Variants in FAM81A observed in about 807,000 individuals in gnomAD.
The protein encoded by FAM81A is family with sequence similarity 81 member A, also known as protein FAM81A.
FAM81A carries 19 observed loss-of-function variants against 46.7 expected under a neutral mutation model. The ratio of observed to expected loss-of-function variants is 0.41; its 90% confidence interval spans 0.28 to 0.60. The LOEUF (loss-of-function observed/expected upper bound fraction) is 0.60. Ranked by LOEUF, FAM81A falls within the 20% of genes least tolerant of loss-of-function variation. The probability of loss-of-function intolerance (pLI) is 0.34; values close to 1 mark genes in which losing one functional copy is unlikely to be tolerated. For synonymous variants in FAM81A, 183 were observed against 152.9 expected (o/e 1.20, Z -1.45); for missense variants, 377 against 453.5 (o/e 0.83, Z 1.53).
rs2081538647 is a variant in FAM81A at position 59,460,473 on chromosome 15, G to A, written c.294+267G>A. 1.9e-6 allele frequency: 1 copy of A among 519,920 alleles called. No homozygotes were observed. Among genetic ancestry groups the A allele is most frequent in the South Asian group, 2.0e-5 (1 of 50,182 alleles). 32.2% of individuals were successfully genotyped at this position (519,920 alleles called of 1,614,324 possible). A position where few individuals can be genotyped will look rare whatever the true frequency, so the allele number is the denominator to read the frequency against. ...ATTATTAAATGATTTTATTTTGTTT[G>A]GCTCTTAATGAAGAGAGAGAAGAAC... On this transcript the variant is annotated intron_variant, in intron 3 of 8. Coordinates refer to ENST00000288228, the MANE Select transcript of FAM81A (RefSeq NM_152450.3). This position sits in a 1 kb window ranked among gnomAD's most constrained non-coding sequence, Gnocchi z 4.4.
chr15:59,489,889 A>C (rs1459129718), intron 3 of FAM81A, among the ~76,000 whole-genome samples: 1 of 152,234 alleles, frequency 6.6e-6, no homozygotes, highest in East Asian at 1.9e-4. Context: ...ATTTCATACC[A>C]TGTACAGAAA....
At chr15:59,417,477 G>T (rs1190629918) in intron 2 of FAM81A, among the ~76,000 whole-genome samples, 1 of 151,914 alleles carries the variant, frequency 6.6e-6, no homozygotes, top group Non-Finnish European at 1.5e-5. Flanking sequence ...AGGCCGTGGT[G>T]GACAGGTCAC....
chr15:59,513,279 C>T (rs541479590), intron 6 of FAM81A, among the ~76,000 whole-genome samples: 5 of 151,920 alleles, frequency 3.3e-5, no homozygotes, highest in African/African-American at 4.8e-5. Context: ...ATTTGGGGAA[C>T]GTTAGAGAGA....
intron 3 of FAM81A, among the ~76,000 whole-genome samples, chr15:59,489,298 CAT>C (rs1555432336): frequency 6.6e-6 from 1 of 150,468 alleles, no homozygotes; most frequent in Non-Finnish European, 1.5e-5. Flanking sequence ...TACATACATA[CAT>C]ACATACATAC....
chr15:59,506,194 G>A (rs2141814390), intron 4 of FAM81A, among the ~76,000 whole-genome samples: 1 of 151,980 alleles, frequency 6.6e-6, no homozygotes, highest in South Asian at 2.1e-4. Flanking sequence ...TTATCTTTTT[G>A]TAGACACAGG....
At chr15:59,442,369 T>C (rs2141588145) in intron 1 of FAM81A, among the ~76,000 whole-genome samples, 1 of 152,110 alleles carries the variant, frequency 6.6e-6, no homozygotes, top group Middle Eastern at 3.4e-3. Flanking sequence ...TCCCAGCACT[T>C]TGGGAGGCCA....
intron 4 of FAM81A, among the ~76,000 whole-genome samples, chr15:59,501,311 G>A (rs1359233604): frequency 6.6e-6 from 1 of 151,990 alleles, no homozygotes; most frequent in Non-Finnish European, 1.5e-5. Context: ...ATTTTATTAG[G>A]TTATCTTCCT....
At chr15:59,510,008 G>A (rs981875422) in intron 6 of FAM81A, among the ~76,000 whole-genome samples, 9 of 152,138 alleles carry the variant, frequency 5.9e-5, no homozygotes, top group Non-Finnish European at 8.8e-5. Context: ...AGGAGAAGCA[G>A]TATCAAAAGA....
At chr15:59,503,068 C>T (rs2082111909) in intron 4 of FAM81A, among the ~76,000 whole-genome samples, 1 of 151,792 alleles carries the variant, frequency 6.6e-6, no homozygotes, top group African/African-American at 2.4e-5. Flanking sequence ...ATGGTGAAAA[C>T]CAGTGTCTAC....
At chr15:59,487,955 C>A (rs2081938473) in intron 3 of FAM81A, among the ~76,000 whole-genome samples, 1 of 148,912 alleles carries the variant, frequency 6.7e-6, no homozygotes, top group Admixed American at 6.7e-5. Flanking sequence ...AAAACAAAAA[C>A]AACAACAAAA....
intron 3 of FAM81A, among the ~76,000 whole-genome samples, chr15:59,462,202 C>CA (rs58692315): frequency 0.13 from 8,592 of 67,024 alleles, 495 homozygotes; most frequent in African/African-American, 0.23. Context: ...GACTGCATCT[C>CA]AAAAAAAAAA....
At chr15:59,472,559 CTTT>C (rs11289675) in intron 3 of FAM81A, among the ~76,000 whole-genome samples, 1 of 144,978 alleles carries the variant, frequency 6.9e-6, no homozygotes, top group African/African-American at 2.6e-5. Context: ...TTCCCCATTC[CTTT>C]TTTTTTTTTT....
intron 4 of FAM81A, among the ~76,000 whole-genome samples, chr15:59,505,010 T>C (rs1301325995): frequency 6.6e-6 from 1 of 152,238 alleles, no homozygotes; most frequent in Non-Finnish European, 1.5e-5. Context: ...ATTGTTGGCA[T>C]TCACACCTCA....
intron 4 of FAM81A, among the ~76,000 whole-genome samples, chr15:59,494,854 A>G (rs958064116): frequency 2.6e-5 from 4 of 152,182 alleles, no homozygotes; most frequent in Non-Finnish European, 5.9e-5. Flanking sequence ...TGTAATTAGT[A>G]GCAAATGGGC....
chr15:59,441,494 G>A (rs552820125), intron 1 of FAM81A, among the ~76,000 whole-genome samples: 3 of 152,344 alleles, frequency 2.0e-5, no homozygotes, highest in South Asian at 2.1e-4. Context: ...AATGGCTATC[G>A]TATGGGGTAG....
intron 4 of FAM81A, among the ~76,000 whole-genome samples, chr15:59,496,249 C>T (rs1244269602): frequency 2.0e-5 from 3 of 151,972 alleles, no homozygotes; most frequent in Non-Finnish European, 4.4e-5. Flanking sequence ...TCTATTTATC[C>T]CAGCATAATT....
intron 2 of FAM81A, among the ~76,000 whole-genome samples, chr15:59,424,913 A>T (rs1212864841): frequency 6.6e-6 from 1 of 152,192 alleles, no homozygotes; most frequent in African/African-American, 2.4e-5. Flanking sequence ...ACCAGAGTAA[A>T]TCAGATCAGT....
rs536775036 is a variant in FAM81A at position 59,508,451 on chromosome 15, C to G, written c.544-412C>G. Among the ~76,000 whole-genome samples the G allele has an allele frequency of 2.4e-4, 36 of 152,200 alleles. 1 individual carries two copies. In the South Asian group the frequency reaches 7.5e-3, roughly 32 times the overall value. On this transcript the variant is annotated intron_variant, in intron 5 of 8. Coordinates refer to ENST00000288228, the MANE Select transcript of FAM81A (RefSeq NM_152450.3). ...CAAGTTATATTGACTGGTGACCTGA[C>G]TTGTTATGGAGGTAAATCTGAGACC... is the stretch of plus-strand genomic sequence containing the variant.
intron 3 of FAM81A, among the ~76,000 whole-genome samples, chr15:59,479,740 C>T (rs2081825811): frequency 6.6e-6 from 1 of 151,906 alleles, no homozygotes; most frequent in East Asian, 1.9e-4. Context: ...GGATGGAGTG[C>T]TGTGAGCTGG....
Sources: allele counts gnomAD v4.1 joint callset (sites outside exome capture counted in the v4.1 genomes callset), GRCh38; gene constraint gnomAD v4.1.1; non-coding constraint Gnocchi (gnomAD v3.1); transcripts MANE v1.5; gene names NCBI Gene and HGNC (gene_info 2026-07-23, HGNC 2026-07-21).